Variants in MTUS2 observed in about 807,000 individuals in gnomAD.
MTUS2 encodes the protein microtubule-associated tumor suppressor candidate 2.
A neutral mutation model predicts 114.1 loss-of-function variants in MTUS2; 40 were observed. The observed-to-expected ratio is 0.35, with a 90% CI of 0.27 to 0.46. MTUS2 has a LOEUF of 0.46. Among genes scored for constraint, MTUS2 ranks in the 20% least tolerant of loss-of-function variants. The probability of loss-of-function intolerance (pLI) is 1.00; values close to 1 mark genes in which losing one functional copy is unlikely to be tolerated. For missense variants in MTUS2, 1,679 were observed against 1,705.4 expected (o/e 0.98, Z 0.27); for synonymous variants, 688 against 672.0 (o/e 1.02, Z -0.37).
At chr13:28,985,074 G>A (rs1884521085) in intron 2 of MTUS2, among the ~76,000 whole-genome samples, 1 of 152,188 alleles carries the variant, frequency 6.6e-6, no homozygotes, top group South Asian at 2.1e-4. Flanking sequence ...CCCCAGATTA[G>A]GAGAAGATTC....
At chr13:29,295,901 C>T (rs1460111370) in intron 6 of MTUS2, among the ~76,000 whole-genome samples, 1 of 152,140 alleles carries the variant, frequency 6.6e-6, no homozygotes, top group African/African-American at 2.4e-5. Flanking sequence ...ACGGGAAAAA[C>T]TTGCCCCCAT....
At chr13:28,928,909 G>T (rs1008072372) in intron 2 of MTUS2, among the ~76,000 whole-genome samples, 1 of 152,164 alleles carries the variant, frequency 6.6e-6, no homozygotes, top group African/African-American at 2.4e-5. Flanking sequence ...ATATGTGTGC[G>T]TATGTGTGTG....
intron 4 of MTUS2, among the ~76,000 whole-genome samples, chr13:29,099,073 A>G (rs1297356186): frequency 1.3e-5 from 2 of 152,188 alleles, no homozygotes; most frequent in Non-Finnish European, 2.9e-5. Context: ...ATGATATCTG[A>G]TATATAGGGA....
chr13:29,047,338 C>A (rs556716318), intron 4 of MTUS2, among the ~76,000 whole-genome samples: 5 of 152,066 alleles, frequency 3.3e-5, no homozygotes, highest in Non-Finnish European at 7.3e-5. Context: ...CTCCAGCCTT[C>A]GTGATAGCAG....
chr13:29,273,575 T>C (rs1897954554), intron 5 of MTUS2, among the ~76,000 whole-genome samples: 1 of 152,148 alleles, frequency 6.6e-6, no homozygotes, highest in South Asian at 2.1e-4. Flanking sequence ...ACCGTAAAAT[T>C]TACCTCTTTA....
intron 2 of MTUS2, among the ~76,000 whole-genome samples, chr13:28,912,286 G>T (rs894818529): frequency 6.6e-6 from 1 of 152,080 alleles, no homozygotes; most frequent in Non-Finnish European, 1.5e-5. Flanking sequence ...CCCATTACTT[G>T]TTTTTGCCAG....
chr13:28,892,513 A>G (rs186971768), intron 2 of MTUS2, among the ~76,000 whole-genome samples: 28 of 152,330 alleles, frequency 1.8e-4, no homozygotes, highest in African/African-American at 6.3e-4. Context: ...GACATACCTA[A>G]TATTTACCCA....
At chr13:29,021,816 A>G (rs1277325215) in intron 2 of MTUS2, among the ~76,000 whole-genome samples, 1 of 152,248 alleles carries the variant, frequency 6.6e-6, no homozygotes, top group Non-Finnish European at 1.5e-5. Flanking sequence ...AAACAAAGAC[A>G]CAAGGGTTTG....
chr13:28,960,666 C>A (rs986395905), intron 2 of MTUS2, among the ~76,000 whole-genome samples: 1 of 152,082 alleles, frequency 6.6e-6, no homozygotes, highest in Non-Finnish European at 1.5e-5. Flanking sequence ...TCTATAAAGA[C>A]AGAAAATAGA....
chr13:28,944,925 G>A (rs1045711892), intron 2 of MTUS2, among the ~76,000 whole-genome samples: 9 of 152,050 alleles, frequency 5.9e-5, no homozygotes, highest in Admixed American at 1.3e-4. Flanking sequence ...ACCATCACCC[G>A]AATAATGTAC....
chr13:29,286,548 A>C (rs1021138676), intron 6 of MTUS2, among the ~76,000 whole-genome samples: 3 of 152,198 alleles, frequency 2.0e-5, no homozygotes, highest in African/African-American at 7.2e-5. Context: ...AGGTATTTCA[A>C]ATGTTGAGAA....
At chr13:28,872,556 G>A (rs1223099990) in intron 2 of MTUS2, among the ~76,000 whole-genome samples, 4 of 152,158 alleles carry the variant, frequency 2.6e-5, no homozygotes. Context: ...GTCTCAGGCA[G>A]CTTCTCCACA....
At chr13:29,252,906 G>T (rs982234769) in intron 5 of MTUS2, among the ~76,000 whole-genome samples, 6 of 150,986 alleles carry the variant, frequency 4.0e-5, no homozygotes, top group African/African-American at 1.5e-4. Context: ...AGTCCATTAA[G>T]CTTCTTTTTT....
chr13:29,083,115 A>G (rs1889519813), intron 4 of MTUS2, among the ~76,000 whole-genome samples: 2 of 152,136 alleles, frequency 1.3e-5, no homozygotes, highest in Admixed American at 6.5e-5. Context: ...ATCATTAGCT[A>G]TTTCTTAAGA....
chr13:29,109,146 C>T (rs779351810), intron 5 of MTUS2, among the ~76,000 whole-genome samples: 19 of 152,150 alleles, frequency 1.2e-4, no homozygotes, highest in Non-Finnish European at 2.1e-4. Flanking sequence ...CTTAGACAAC[C>T]GTTCTTCTTC....
At chr13:29,359,576 G>C in intron 8 of MTUS2, 103 bp downstream of exon 8, 2 of 1,257,122 alleles carry the variant, frequency 1.6e-6, no homozygotes, top group Non-Finnish European at 2.2e-6. Flanking sequence ...TTTGAGTTTT[G>C]ATCAGAGTGG....
chr13:29,321,373 C>T (rs1900247663), intron 6 of MTUS2, among the ~76,000 whole-genome samples: 2 of 152,052 alleles, frequency 1.3e-5, no homozygotes, highest in African/African-American at 2.4e-5. Context: ...TTGAGTGAAA[C>T]GAAAGCTTAC....
At chr13:29,426,096 C>T (rs946410162) in intron 8 of MTUS2, among the ~76,000 whole-genome samples, 2 of 152,236 alleles carry the variant, frequency 1.3e-5, no homozygotes, top group Non-Finnish European at 2.9e-5. Flanking sequence ...CCCCACCTGG[C>T]TCTGTCCACA....
rs1165246666 is a variant in MTUS2 at position 29,025,000 on chromosome 13, C to A, written c.302C>A (p.Ser101Tyr). 2 of 1,613,958 alleles carry A rather than the reference C, an allele frequency of 1.2e-6. No homozygotes were observed. Among genetic ancestry groups the A allele is most frequent in the African/African-American group, 2.7e-5 (2 of 75,040 alleles). Residue 101 changes from serine to tyrosine, a missense_variant, in exon 3 of 16, where the codon TCT becomes TAT. By Grantham distance (144) the Ser-to-Tyr change is moderately radical (BLOSUM62 -2). Coordinates refer to ENST00000612955, the MANE Select transcript of MTUS2 (RefSeq NM_001033602.4). Reference protein sequence around the residue: ...GSASLKDFRLSSTIQRELNEE... With the variant: ...GSASLKDFRLYSTIQRELNEE... Reference sequence around the variant, plus strand: ...GCCAGCCTGAAAGATTTTAGACTTTCTTCAACCATTCAGAGGGAACTCAAT... The same window carrying A: ...GCCAGCCTGAAAGATTTTAGACTTTATTCAACCATTCAGAGGGAACTCAAT...
Sources: gnomAD v4.1 joint callset for allele counts (sites outside exome capture counted in the v4.1 genomes callset) on GRCh38, gnomAD v4.1.1 for gene constraint, MANE v1.5 for transcripts, NCBI Gene and HGNC (gene_info 2026-07-23, HGNC 2026-07-21) for gene names.